Variants in GNRH1 observed in about 807,000 individuals in gnomAD.
GNRH1 encodes gonadotropin releasing hormone 1.
In GNRH1, 9 loss-of-function variants were observed where a neutral mutation model predicts 13.6. That is an observed-to-expected ratio of 0.66 (90% CI 0.40 to 1.15). GNRH1 has a LOEUF of 1.15. Among genes scored for constraint, GNRH1 ranks in the 50% most tolerant of loss-of-function variants. GNRH1 has a pLI of 0.01. For synonymous variants in GNRH1, 44 were observed against 40.1 expected (o/e 1.10, Z -0.37); for missense variants, 116 against 110.8 (o/e 1.05, Z -0.21).
chr8:25,420,111 A>T (rs1801751354), intron 3 of GNRH1, among the ~76,000 whole-genome samples: 1 of 152,190 alleles, frequency 6.6e-6, no homozygotes, highest in African/African-American at 2.4e-5. Flanking sequence ...GCAGTAAGCA[A>T]GATTAGAAAA....
intron 2 of GNRH1, among the ~76,000 whole-genome samples, chr8:25,422,104 G>A (rs1243120113): frequency 1.3e-5 from 2 of 152,128 alleles, no homozygotes; most frequent in African/African-American, 4.8e-5. Context: ...CAGATTCTGG[G>A]TCTTCTTTAA....
At chr8:25,422,110 T>C (rs557013366) in intron 2 of GNRH1, among the ~76,000 whole-genome samples, 13 of 152,342 alleles carry the variant, frequency 8.5e-5, no homozygotes, top group African/African-American at 3.1e-4. Flanking sequence ...CTGGGTCTTC[T>C]TTAATACTAA....
chr8:25,424,667 T>C (rs1270554540), upstream of GNRH1: 1 of 152,238 alleles, frequency 6.6e-6, no homozygotes, highest in East Asian at 1.9e-4. Context: ...TGAGTCAGGA[T>C]GTCTGGGAGC....
At chr8:25,420,720 C>CA (rs1000033406) in intron 3 of GNRH1, among the ~76,000 whole-genome samples, 98 of 152,000 alleles carry the variant, frequency 6.4e-4, no homozygotes, top group African/African-American at 1.9e-3. Context: ...CCTGTCTCTA[C>CA]AAAAAATTAA....
intron 2 of GNRH1, 105 bp downstream of exon 2, chr8:25,423,085 G>T: frequency 2.2e-6 from 2 of 894,006 alleles, no homozygotes; most frequent in Non-Finnish European, 3.7e-6. Context: ...GGAGCATCTA[G>T]GGTACAACAT....
At chr8:25,420,048 A>G (rs1801750725) in intron 3 of GNRH1, among the ~76,000 whole-genome samples, 1 of 152,224 alleles carries the variant, frequency 6.6e-6, no homozygotes, top group Non-Finnish European at 1.5e-5. Flanking sequence ...CTTTGCTTCA[A>G]TTTCTTCATA....
chr8:25,420,411 G>A (rs954055075), intron 3 of GNRH1, among the ~76,000 whole-genome samples: 7 of 76,554 alleles, frequency 9.1e-5, no homozygotes, highest in Admixed American at 1.5e-4. Context: ...AAATAACGAC[G>A]TCTGCCCACT....
intron 3 of GNRH1, among the ~76,000 whole-genome samples, chr8:25,420,354 C>T (rs886432813): frequency 5.5e-5 from 4 of 72,626 alleles, no homozygotes; most frequent in African/African-American, 2.6e-4. Context: ...ATGGAGGTTG[C>T]ATTGAGCCGA....
At position 25,423,206 on chromosome 8, in the gene GNRH1, A is replaced by C; in HGVS notation, c.125T>G (p.Ile42Ser). 6.2e-7 allele frequency: 1 copy of C among 1,612,120 alleles called. No individual in the cohort carries two copies. Among genetic ancestry groups the C allele is most frequent in the South Asian group, 1.1e-5 (1 of 91,054 alleles). ...GAAACTTACCTCTTGGAAAGAATCAATCAAATTTTCGGCATCTCTCTTTCC... is the reference window on the plus strand; with the variant it reads ...GAAACTTACCTCTTGGAAAGAATCACTCAAATTTTCGGCATCTCTCTTTCC... ...PGGKRDAENL[I>S]DSFQEIVKEV... The change falls in exon 2 of 4, where the codon ATT (isoleucine) becomes AGT (serine). Residue 42 changes from isoleucine to serine, a missense_variant. Transcript: ENST00000421054.
intron 2 of GNRH1, among the ~76,000 whole-genome samples, chr8:25,422,297 G>A (rs1381363326): frequency 1.3e-5 from 2 of 152,076 alleles, no homozygotes; most frequent in Middle Eastern, 3.4e-3. Flanking sequence ...AAATCCTCCC[G>A]GCACTTTGGG....
rs1801773333 is a variant in GNRH1, at chr8:25,421,584, T to TC, written c.225dup (p.Lys76GlufsTer9). ...TCACTTTAACTTACCAGAGCTCCTT[T>TC]CAGGTCTCGGAGGGGAGAACGTGGC... On this transcript the variant is annotated frameshift_variant, in exon 3 of 4. Transcript: ENST00000421054. LOFTEE classifies it high-confidence loss of function. The TC allele has an allele frequency of 1.3e-6, 2 of 1,576,922 alleles. No homozygotes were observed. Among genetic ancestry groups the TC allele is most frequent in the Non-Finnish European group, 1.7e-6 (2 of 1,147,834 alleles).
chr8:25,422,289 A>G (rs1012266833), intron 2 of GNRH1, among the ~76,000 whole-genome samples: 2 of 152,130 alleles, frequency 1.3e-5, no homozygotes, highest in African/African-American at 4.8e-5. Flanking sequence ...ATAAACAAAA[A>G]TCCTCCCGGC....
chr8:25,423,413 G>A, intron 1 of GNRH1, 82 bp from the exon 2 acceptor site: 1 of 1,217,800 alleles, frequency 8.2e-7, no homozygotes, highest in Non-Finnish European at 1.2e-6. Flanking sequence ...GAAAAAGCTA[G>A]CATCTGTATC....
chr8:25,421,576 A>G lies in GNRH1; in HGVS notation c.234T>C (p.Ala78=). The G allele has an allele frequency of 2.0e-6, 3 of 1,530,010 alleles. No individual in the cohort carries two copies. The South Asian group carries it at 3.4e-5, about 17-fold the overall frequency. The allele number at this position is 1,530,010 out of a possible 1,614,324, so 94.8% of individuals were successfully genotyped here. A position where few individuals can be genotyped will look rare whatever the true frequency, so the allele number is the denominator to read the frequency against. ...PRSPLRDLKG[A]LESLIEEETG... ...TGTTATGATCACTTTAACTTACCAG[A>G]GCTCCTTTCAGGTCTCGGAGGGGAG... The change falls in exon 3 of 4, where the codon GCT becomes GCC. Residue 78 remains alanine (A), a synonymous_variant. Coordinates refer to ENST00000421054, the MANE Select transcript of GNRH1 (RefSeq NM_001083111.2).
chr8:25,419,316 G>C lies in GNRH1; in HGVS notation c.*103C>G. 1 of 779,212 alleles carries C rather than the reference G, an allele frequency of 1.3e-6. No individual in the cohort carries two copies. The highest frequency in any genetic ancestry group is 1.4e-5 in the South Asian group (1 of 73,278). 48.3% of individuals were successfully genotyped at this position (779,212 alleles called of 1,614,324 possible). ...TGTGCAACTTGGTGTAAGGATTTCT[G>C]AAATTCATACCATTTACAGGTATTT... On this transcript the variant is annotated 3_prime_UTR_variant, in exon 4 of 4. Transcript: ENST00000421054.
At chr8:25,420,578 T>C (rs1801757778) in intron 3 of GNRH1, among the ~76,000 whole-genome samples, 1 of 152,174 alleles carries the variant, frequency 6.6e-6, no homozygotes, top group Non-Finnish European at 1.5e-5. Flanking sequence ...AAGTGGACAA[T>C]AGAGATCAGA....
chr8:25,421,162 G>A (rs1164739310), intron 3 of GNRH1, among the ~76,000 whole-genome samples: 1 of 152,156 alleles, frequency 6.6e-6, no homozygotes, highest in Non-Finnish European at 1.5e-5. Flanking sequence ...GGAAAACCAT[G>A]TAAGATAAAG....
intron 1 of GNRH1, 74 bp from the exon 2 acceptor site, chr8:25,423,405 A>G (rs1449101790): frequency 2.3e-6 from 3 of 1,297,108 alleles, no homozygotes; most frequent in Non-Finnish European, 3.3e-6. Context: ...TCTTTAGTGA[A>G]AAAGCTAGCA....
At chr8:25,419,706 C>T (rs1042571421) in intron 3 of GNRH1, among the ~76,000 whole-genome samples, 1 of 151,826 alleles carries the variant, frequency 6.6e-6, no homozygotes, top group Non-Finnish European at 1.5e-5. Flanking sequence ...ATGGCAACCT[C>T]CACCTTCCAG....
Sources: gnomAD v4.1 joint callset for allele counts (sites outside exome capture counted in the v4.1 genomes callset) on GRCh38, gnomAD v4.1.1 for gene constraint, MANE v1.5 for transcripts, NCBI Gene and HGNC (gene_info 2026-07-23, HGNC 2026-07-21) for gene names.